CRYBG1: variants seen among roughly 807,000 people sequenced by gnomAD.
CRYBG1 encodes crystallin beta-gamma domain containing 1, also known as beta/gamma crystallin domain-containing protein 1.
CRYBG1 carries 139 observed loss-of-function variants against 189.2 expected under a neutral mutation model. The observed-to-expected ratio is 0.73, with a 90% CI of 0.64 to 0.85. CRYBG1 has a LOEUF of 0.85. Ranked by LOEUF, CRYBG1 falls within the 40% of genes least tolerant of loss-of-function variation. The pLI, the probability that CRYBG1 is intolerant of heterozygous loss-of-function variation, is 0.00. For missense variants in CRYBG1, 2,611 were observed against 2,675.8 expected (o/e 0.98, Z 0.53); for synonymous variants, 1,023 against 1,017.1 (o/e 1.01, Z -0.11).
rs199694858 is a variant in CRYBG1 at position 106,519,523 on chromosome 6, C to T, written c.2315C>T (p.Ser772Phe). The change falls in exon 4 of 22, where the codon TCT becomes TTT. Residue 772 changes from serine to phenylalanine, a missense_variant. Coordinates refer to ENST00000633556, the MANE Select transcript of CRYBG1 (RefSeq NM_001371242.2). ...ACCAGAGGAATGAATGGAGACTCTT[C>T]TGAGAATCAAGCTCTTGGTCCTCAG... ...PATRGMNGDSSENQALGPQPN... is the reference protein window; with the variant it reads ...PATRGMNGDSFENQALGPQPN... 388 of 1,614,114 alleles carry T rather than the reference C, an allele frequency of 2.4e-4. 3 individuals are homozygous for T. The South Asian group carries it at 3.9e-3, about 16-fold the overall frequency.
chr6:106,415,436 G>A lies in CRYBG1; in HGVS notation c.174-36258G>A, dbSNP rs115474673. Among the ~76,000 whole-genome samples, 182 of 152,244 alleles carry A rather than the reference G, an allele frequency of 1.2e-3. 1 individual carries two copies. Among genetic ancestry groups the A allele is most frequent in the African/African-American group, 4.2e-3 (175 of 41,556 alleles). ...AAAGTCCTTCTGCTTAGTATGCCAG[G>A]CATGGTGGTCTACTTAGTAGGCTCA... is the stretch of plus-strand genomic sequence containing the variant. On this transcript the variant is annotated intron_variant, in intron 1 of 21. Transcript: ENST00000633556.
chr6:106,515,460 T>G (rs920397867), intron 3 of CRYBG1, among the ~76,000 whole-genome samples: 1 of 152,226 alleles, frequency 6.6e-6, no homozygotes, highest in Non-Finnish European at 1.5e-5. Flanking sequence ...GTGTTTTCTA[T>G]TTACATCATA....
At chr6:106,369,674 A>G (rs1425854737) in intron 1 of CRYBG1, among the ~76,000 whole-genome samples, 1 of 152,244 alleles carries the variant, frequency 6.6e-6, no homozygotes, top group Non-Finnish European at 1.5e-5. Flanking sequence ...GTGCTTTATA[A>G]TAACTTCAGA....
chr6:106,377,809 A>G (rs1770202382), intron 1 of CRYBG1, among the ~76,000 whole-genome samples: 3 of 152,078 alleles, frequency 2.0e-5, no homozygotes, highest in Admixed American at 1.3e-4. Context: ...AGTATAATTT[A>G]CTTAAAATTC....
Position 106,462,168 on chromosome 6 carries a change from T to G in CRYBG1, c.312+10336T>G, listed in dbSNP as rs1042966820. On this transcript the variant is annotated intron_variant, in intron 2 of 21. Transcript: ENST00000633556. ...TTTGTTTGTTTGTTTTTTGTTTTTT[T>G]GTTTTGTTTTGTTTTGTTTTGAGAC... is the stretch of plus-strand genomic sequence containing the variant. Among the ~76,000 whole-genome samples, 3 of 151,748 alleles carry G rather than the reference T, an allele frequency of 2.0e-5. No individual in the cohort carries two copies. In the South Asian group the frequency reaches 6.2e-4, roughly 32 times the overall value.
In CRYBG1 at chr6:106,543,616, T is replaced by A; in HGVS notation, c.5039+19T>A. 6.3e-7 allele frequency: 1 copy of A among 1,593,988 alleles called. No individual in the cohort carries two copies. Among genetic ancestry groups the A allele is most frequent in the Non-Finnish European group, 8.5e-7 (1 of 1,171,246 alleles). On this transcript the variant is annotated intron_variant, in intron 11 of 21. Coordinates refer to ENST00000633556, the MANE Select transcript of CRYBG1 (RefSeq NM_001371242.2). ...GAGGCATGTAAGTACATGGGTGACTTGTTAGGATTTCTTTTTTTTCCGAAA... is the reference window on the plus strand; with the variant it reads ...GAGGCATGTAAGTACATGGGTGACTAGTTAGGATTTCTTTTTTTTCCGAAA...
Position 106,568,543 on chromosome 6 carries a change from G to A in CRYBG1, c.6373G>A (p.Glu2125Lys), listed in dbSNP as rs768368867. The change falls in exon 22 of 22, where the codon GAA becomes AAA. Residue 2125 changes from glutamate (E) to lysine (K), a missense_variant. This residue lies in a region of CRYBG1 where 1,622 missense variants were observed against 1,735.0 expected (regional missense o/e 0.93). Transcript: ENST00000633556. ...CAAAGAGAAGTTTACACAAGTGTGGGAAGCCATGGTCCTATATACCTGAAC... is the reference window on the plus strand; with the variant it reads ...CAAAGAGAAGTTTACACAAGTGTGGAAAGCCATGGTCCTATATACCTGAAC... ...VSKEKFTQVW[E>K]AMVLYT 6 of 1,612,876 alleles carry A rather than the reference G, an allele frequency of 3.7e-6. No homozygotes were observed. The highest frequency in any genetic ancestry group is 5.1e-6 in the Non-Finnish European group (6 of 1,178,966).
At chr6:106,448,091 C>T (rs1771702235) in intron 1 of CRYBG1, among the ~76,000 whole-genome samples, 2 of 152,176 alleles carry the variant, frequency 1.3e-5, no homozygotes, top group South Asian at 4.1e-4. Flanking sequence ...GTTTCCGGGG[C>T]TGGGCAAGAA....
At chr6:106,410,820 T>C (rs1185960802) in intron 1 of CRYBG1, among the ~76,000 whole-genome samples, 4 of 151,948 alleles carry the variant, frequency 2.6e-5, no homozygotes, top group Admixed American at 2.6e-4. Context: ...TGAGAACACA[T>C]GGACCTGGAG....
Position 106,512,712 on chromosome 6 carries a change from G to A in CRYBG1, c.1595G>A (p.Gly532Asp), listed in dbSNP as rs1562096567. ...LEAVPAPPAS[G>D]PRAPAKESPP... The stretch of plus-strand genomic sequence containing the variant: ...GCCGTGCCCGCCCCGCCCGCCAGCG[G>A]CCCCCGGGCTCCCGCCAAGGAGTCC... The change falls in exon 3 of 22, where the codon GGC (glycine) becomes GAC (aspartate). Residue 532 changes from glycine (G) to aspartate (D), a missense_variant. Gly to Asp is a moderately conservative substitution (Grantham distance 94). Transcript: ENST00000633556. 3.9e-6 allele frequency: 6 copies of A among 1,551,364 alleles called. No individual in the cohort carries two copies. Among genetic ancestry groups the A allele is most frequent in the South Asian group, 2.4e-5 (2 of 84,086 alleles).
At position 106,568,826 on chromosome 6, in the gene CRYBG1, T is replaced by C. The variant is rs1052258581; in HGVS notation, c.*260T>C. 1 of 364,638 alleles carries C rather than the reference T, an allele frequency of 2.7e-6. No homozygotes were observed. The highest frequency in any genetic ancestry group is 5.0e-6 in the Non-Finnish European group (1 of 199,602). 22.6% of individuals were successfully genotyped at this position (364,638 alleles called of 1,614,324 possible). A position where few individuals can be genotyped will look rare whatever the true frequency, so the allele number is the denominator to read the frequency against. On this transcript the variant is annotated 3_prime_UTR_variant, in exon 22 of 22. Coordinates refer to ENST00000633556, the MANE Select transcript of CRYBG1 (RefSeq NM_001371242.2). ...TAGCTGCTTAAACAGGTTGCCTAAT[T>C]AGCAGCTTTTGGGTGATTTTGTAAA... is the stretch of plus-strand genomic sequence containing the variant.
chr6:106,446,541 A>G (rs943141770), intron 1 of CRYBG1, among the ~76,000 whole-genome samples: 3 of 152,156 alleles, frequency 2.0e-5, no homozygotes, highest in Non-Finnish European at 4.4e-5. Flanking sequence ...GCTACATTTT[A>G]TTATTTTGGA....
At chr6:106,377,322 A>G (rs1204018855) in intron 1 of CRYBG1, among the ~76,000 whole-genome samples, 2 of 152,144 alleles carry the variant, frequency 1.3e-5, no homozygotes, top group Admixed American at 6.5e-5. Context: ...ATGCTCCCTT[A>G]TATGAACAAT....
chr6:106,460,832 G>T (rs1188918671), intron 2 of CRYBG1, among the ~76,000 whole-genome samples: 1 of 152,120 alleles, frequency 6.6e-6, no homozygotes, highest in Admixed American at 6.5e-5. Context: ...TGTTGCCCAG[G>T]CTGGATTGCA....
intron 1 of CRYBG1, among the ~76,000 whole-genome samples, chr6:106,370,107 G>A (rs185502961): frequency 1.4e-4 from 21 of 152,244 alleles, no homozygotes; most frequent in African/African-American, 3.9e-4. Flanking sequence ...CAATTTCTAC[G>A]TTAAATAGTG....
At chr6:106,491,501 C>G (rs991677971) in intron 2 of CRYBG1, among the ~76,000 whole-genome samples, 1 of 152,118 alleles carries the variant, frequency 6.6e-6, no homozygotes, top group Non-Finnish European at 1.5e-5. Context: ...ATTAACTTCC[C>G]CTAAGTTCAA....
At chr6:106,408,297 CA>C (rs1412105348) in intron 1 of CRYBG1, among the ~76,000 whole-genome samples, 5 of 152,146 alleles carry the variant, frequency 3.3e-5, no homozygotes, top group African/African-American at 1.2e-4. Flanking sequence ...TTCCTGGACA[CA>C]AACACACTAC....
In CRYBG1 at chr6:106,511,717, C is replaced by T. The variant is rs1277331725; in HGVS notation, c.600C>T (p.Ser200=). 4 of 1,535,264 alleles carry T rather than the reference C, an allele frequency of 2.6e-6. No individual in the cohort carries two copies. Among genetic ancestry groups the T allele is most frequent in the Non-Finnish European group, 1.7e-6 (2 of 1,146,590 alleles). ...PREAEGELPE[S]GGPAAPPDAE... ...AGGCAGAGGGCGAGCTCCCCGAGAG[C>T]GGTGGCCCCGCAGCCCCCCCTGACG... is the stretch of plus-strand genomic sequence containing the variant. The change falls in exon 3 of 22, where the codon AGC becomes AGT. Residue 200 remains serine, a synonymous_variant. Transcript: ENST00000633556.
chr6:106,552,208 C>T lies in CRYBG1; in HGVS notation c.5464C>T (p.Arg1822Ter), dbSNP rs776931241. The change falls in exon 15 of 22, where the codon CGA becomes TGA. Residue 1822 changes from arginine to a stop codon, truncating the protein, a stop_gained. Transcript: ENST00000633556. LOFTEE classifies it high-confidence loss of function. ...GGATTCTTTCACTGGCCCAAGGAGA[C>T]GAAATCAGGTAACTTTAAAAATATT... ...CLDSFTGPRR[R>*]NQIHLFSEPQ... 5.7e-6 allele frequency: 9 copies of T among 1,567,976 alleles called. No individual in the cohort carries two copies. The highest frequency in any genetic ancestry group is 4.5e-5 in the East Asian group (2 of 44,126).
Sources: gnomAD v4.1 joint callset for allele counts (sites outside exome capture counted in the v4.1 genomes callset) on GRCh38, gnomAD v4.1.1 for gene constraint, gnomAD v4.1.1 regional missense constraint, MANE v1.5 for transcripts, NCBI Gene and HGNC (gene_info 2026-07-23, HGNC 2026-07-21) for gene names.